The following CPLX4 variants were observed in gnomAD, a reference collection of about 807,000 sequenced individuals.
CPLX4 encodes complexin-4.
Under a neutral mutation model 16.1 loss-of-function variants are expected in CPLX4, and 17 were observed. The ratio of observed to expected loss-of-function variants is 1.06; its 90% CI spans 0.72 to 1.59. The LOEUF (loss-of-function observed/expected upper bound fraction) is 1.59, where lower values mean the gene tolerates loss of function less well. Among genes scored for constraint, CPLX4 ranks in the 40% most tolerant of loss-of-function variants. CPLX4 has a pLI of 0.00. For missense variants in CPLX4, 193 were observed against 192.9 expected, an observed-to-expected ratio of 1.00 and a Z score of 0.00; for synonymous variants, 55 against 57.8, an observed-to-expected ratio of 0.95 and a Z score of 0.22.
intron 2 of CPLX4, among the ~76,000 whole-genome samples, chr18:59,298,472 A>G (rs1340310961): frequency 1.3e-5 from 2 of 152,184 alleles, no homozygotes; most frequent in East Asian, 1.9e-4. Flanking sequence ...GGAAAGATCT[A>G]TGTTAGAGCC....
At chr18:59,301,010 G>T (rs1241347629) in intron 2 of CPLX4, among the ~76,000 whole-genome samples, 1 of 152,218 alleles carries the variant, frequency 6.6e-6, no homozygotes, top group East Asian at 1.9e-4. Context: ...GCTGATAGAA[G>T]TTCCTGGCTC....
chr18:59,298,334 A>G (rs958898215), intron 2 of CPLX4, among the ~76,000 whole-genome samples: 1 of 152,150 alleles, frequency 6.6e-6, no homozygotes, highest in South Asian at 2.1e-4. Flanking sequence ...TTCTCTGGGA[A>G]AGGTTAACAG....
intron 2 of CPLX4, among the ~76,000 whole-genome samples, 153 bp downstream of exon 2, chr18:59,312,532 A>T (rs1215160045): frequency 6.8e-6 from 1 of 146,340 alleles, no homozygotes; most frequent in Non-Finnish European, 1.5e-5. Context: ...ATGTATATAC[A>T]TATCCTGAAT....
intron 1 of CPLX4, among the ~76,000 whole-genome samples, chr18:59,313,223 A>C (rs1330386955): frequency 6.6e-6 from 1 of 152,108 alleles, no homozygotes; most frequent in Non-Finnish European, 1.5e-5. Flanking sequence ...CGCAAACTAA[A>C]ATAGGGCCAC....
At chr18:59,314,168 C>T (rs915042874) in intron 1 of CPLX4, among the ~76,000 whole-genome samples, 2 of 152,124 alleles carry the variant, frequency 1.3e-5, no homozygotes, top group East Asian at 3.9e-4. Context: ...GTTCAACCTT[C>T]TAGTTTTGGA....
rs1305320275 is a variant in CPLX4, at chr18:59,316,274, C to CACACAT, written c.167+2021_167+2022insATGTGT. On this transcript the variant is annotated intron_variant, in intron 1 of 2. Transcript: ENST00000299721. Reference sequence around the variant, plus strand: ...GTGCGTGCGCACACACACACACACACATTGAACACAGAAAGAAAATAAAAA... The same window carrying CACACAT: ...GTGCGTGCGCACACACACACACACACACACATATTGAACACAGAAAGAAAATAAAAA... Among the ~76,000 whole-genome samples the CACACAT allele has an allele frequency of 2.6e-5, 4 of 152,174 alleles. No individual in the cohort carries two copies. In the East Asian group the frequency reaches 7.7e-4, roughly 29 times the overall value.
chr18:59,301,786 A>G (rs756088608), intron 2 of CPLX4, among the ~76,000 whole-genome samples: 3 of 152,236 alleles, frequency 2.0e-5, no homozygotes, highest in Admixed American at 6.5e-5. Flanking sequence ...GGAGTTAGAC[A>G]TGGGTTTGAG....
chr18:59,306,889 C>T (rs911811174), intron 2 of CPLX4, among the ~76,000 whole-genome samples: 3 of 152,184 alleles, frequency 2.0e-5, no homozygotes, highest in Non-Finnish European at 4.4e-5. Context: ...ATGTTAAATT[C>T]GTCCAATTCC....
chr18:59,305,877 A>T (rs1408542717), intron 2 of CPLX4, among the ~76,000 whole-genome samples: 1 of 152,208 alleles, frequency 6.6e-6, no homozygotes, highest in Non-Finnish European at 1.5e-5. Context: ...TTGCAGGCAG[A>T]CAGAGAAAGA....
In CPLX4 at chr18:59,299,283, A is replaced by T. The variant is rs145870325; in HGVS notation, c.256-2358T>A. Among the ~76,000 whole-genome samples the T allele has an allele frequency of 5.9e-5, 9 of 152,362 alleles. No individual in the cohort carries two copies. The East Asian group carries it at 1.7e-3, about 29-fold the overall frequency. ...AAGGTGGACGACTCATTCTCAGTTC[A>T]TGCCAATGTGGGACATCTGCCCTCT... On this transcript the variant is annotated intron_variant, in intron 2 of 2. Transcript: ENST00000299721.
chr18:59,311,810 G>A (rs890992272), intron 2 of CPLX4, among the ~76,000 whole-genome samples: 1 of 152,166 alleles, frequency 6.6e-6, no homozygotes, highest in Non-Finnish European at 1.5e-5. Flanking sequence ...CCTCCAAGAC[G>A]TGTTCCACAA....
At chr18:59,300,015 G>C (rs1213402546) in intron 2 of CPLX4, among the ~76,000 whole-genome samples, 1 of 152,224 alleles carries the variant, frequency 6.6e-6, no homozygotes, top group Non-Finnish European at 1.5e-5. Flanking sequence ...AAGGTTTCTG[G>C]CATGTAGACA....
At chr18:59,314,812 C>T (rs980985169) in intron 1 of CPLX4, among the ~76,000 whole-genome samples, 2 of 152,178 alleles carry the variant, frequency 1.3e-5, no homozygotes, top group Admixed American at 6.5e-5. Flanking sequence ...CGAGATTTAA[C>T]CTTGTTGTTT....
At chr18:59,314,724 C>T (rs2070641303) in intron 1 of CPLX4, among the ~76,000 whole-genome samples, 1 of 152,206 alleles carries the variant, frequency 6.6e-6, no homozygotes, top group African/African-American at 2.4e-5. Context: ...TTGGTTTTGC[C>T]TGTTCTAGAA....
At chr18:59,310,793 T>C (rs1268692261) in intron 2 of CPLX4, among the ~76,000 whole-genome samples, 1 of 152,014 alleles carries the variant, frequency 6.6e-6, no homozygotes, top group Non-Finnish European at 1.5e-5. Flanking sequence ...CTGCATAAAT[T>C]AAGAGACTCA....
chr18:59,309,999 C>T (rs1048057469), intron 2 of CPLX4, among the ~76,000 whole-genome samples: 3 of 152,028 alleles, frequency 2.0e-5, no homozygotes, highest in Non-Finnish European at 2.9e-5. Context: ...AGCTACTTAA[C>T]CCTCCTGGGC....
chr18:59,318,211 GAGAA>G (rs1463123014), intron 1 of CPLX4, 81 bp downstream of exon 1: 2 of 1,456,554 alleles, frequency 1.4e-6, no homozygotes, highest in Non-Finnish European at 1.8e-6. Flanking sequence ...AAAAAGCAAA[GAGAA>G]ATAAACTGGA....
intron 1 of CPLX4, among the ~76,000 whole-genome samples, chr18:59,318,041 G>A (rs2070662690): frequency 6.6e-6 from 1 of 152,076 alleles, no homozygotes; most frequent in South Asian, 2.1e-4. Context: ...AAAGTGTTAA[G>A]CTGCTTTAAG....
chr18:59,317,671 G>A (rs1339181152), intron 1 of CPLX4, among the ~76,000 whole-genome samples: 1 of 151,964 alleles, frequency 6.6e-6, no homozygotes, highest in African/African-American at 2.4e-5. Flanking sequence ...GTAAGCTGTT[G>A]ATTTTATGTC....
Sources: gnomAD v4.1 joint callset for allele counts (sites outside exome capture counted in the v4.1 genomes callset) on GRCh38, gnomAD v4.1.1 for gene constraint, MANE v1.5 for transcripts, NCBI Gene and HGNC (gene_info 2026-07-23, HGNC 2026-07-21) for gene names.